Variants in LRMDA observed in about 807,000 individuals in gnomAD.
The protein encoded by LRMDA is leucine rich melanocyte differentiation associated, also known as leucine-rich melanocyte differentiation-associated protein.
Under a neutral mutation model 29.8 loss-of-function variants are expected in LRMDA, and 18 were observed. The observed-to-expected ratio is 0.60, with a 90% confidence interval of 0.42 to 0.90. LRMDA has a LOEUF of 0.90. LRMDA is among the 40% of genes least tolerant of loss of function. The pLI is 0.00. For synonymous variants in LRMDA, 125 were observed against 109.4 expected (o/e 1.14, Z -0.89); for missense variants, 273 against 273.9 (o/e 1.00, Z 0.02).
intron 5 of LRMDA, among the ~76,000 whole-genome samples, chr10:76,222,135 C>T (rs1025019174): frequency 6.6e-6 from 1 of 151,914 alleles, no homozygotes; most frequent in Non-Finnish European, 1.5e-5. Flanking sequence ...GGATTAAAGA[C>T]TTAAACATTA....
At chr10:76,056,728 G>C (rs1848621221) in intron 4 of LRMDA, among the ~76,000 whole-genome samples, 1 of 152,196 alleles carries the variant, frequency 6.6e-6, no homozygotes, top group African/African-American at 2.4e-5. Context: ...GTCGGGAGAG[G>C]CCAGGCAGTG....
chr10:75,901,933 C>T (rs1845680808), intron 2 of LRMDA, among the ~76,000 whole-genome samples: 1 of 152,176 alleles, frequency 6.6e-6, no homozygotes, highest in African/African-American at 2.4e-5. Context: ...TGTGTTTTCT[C>T]ATACTGTGGA....
chr10:76,016,612 A>T (rs1847883612), intron 2 of LRMDA, among the ~76,000 whole-genome samples: 1 of 152,184 alleles, frequency 6.6e-6, no homozygotes, highest in Non-Finnish European at 1.5e-5. Flanking sequence ...TTTATTGAAC[A>T]CTGACTTTAT....
intron 2 of LRMDA, among the ~76,000 whole-genome samples, chr10:75,647,156 C>G (rs539694124): frequency 7.9e-5 from 12 of 152,296 alleles, no homozygotes; most frequent in African/African-American, 2.9e-4. Flanking sequence ...CCTCTCCTAC[C>G]CTCCTTCACC....
At chr10:75,795,436 G>T (rs1223037699) in intron 2 of LRMDA, among the ~76,000 whole-genome samples, 2 of 151,940 alleles carry the variant, frequency 1.3e-5, no homozygotes, top group African/African-American at 4.8e-5. Flanking sequence ...AAAAGAAAAA[G>T]AATTGAGAGT....
intron 5 of LRMDA, among the ~76,000 whole-genome samples, chr10:76,134,278 T>C (rs1196408034): frequency 6.6e-6 from 1 of 152,188 alleles, no homozygotes; most frequent in Non-Finnish European, 1.5e-5. Context: ...CATCTGATGA[T>C]GGTGAGACTT....
Position 76,426,029 on chromosome 10 carries a change from C to G in LRMDA, c.601+101544C>G, listed in dbSNP as rs190662100. Among the ~76,000 whole-genome samples, 602 of 152,266 alleles carry G rather than the reference C, an allele frequency of 4.0e-3. 6 individuals carry two copies. The highest frequency in any genetic ancestry group is 0.014 in the African/African-American group (584 of 41,534). The stretch of plus-strand genomic sequence containing the variant: ...TTGGACATTTGGGTTGGTTCCAAGT[C>G]TTTGCTATTGTGAGTAGTGCCGCAA... On this transcript the variant is annotated intron_variant, in intron 6 of 6. Transcript: ENST00000611255.
chr10:75,597,217 T>C (rs1840802113), intron 2 of LRMDA, among the ~76,000 whole-genome samples: 2 of 152,242 alleles, frequency 1.3e-5, no homozygotes, highest in Admixed American at 1.3e-4. Flanking sequence ...TCATGTGGTC[T>C]GCTGTTGATT....
At chr10:75,520,975 G>A (rs908944360) in intron 2 of LRMDA, among the ~76,000 whole-genome samples, 1 of 152,176 alleles carries the variant, frequency 6.6e-6, no homozygotes, top group Non-Finnish European at 1.5e-5. Flanking sequence ...TTTGCTGGAG[G>A]TCTACTCCAG....
intron 6 of LRMDA, among the ~76,000 whole-genome samples, chr10:76,382,043 A>G (rs560582586): frequency 6.6e-6 from 1 of 152,240 alleles, no homozygotes; most frequent in Admixed American, 6.5e-5. Flanking sequence ...ACGTGAAAGC[A>G]CATTGTTGCA....
intron 6 of LRMDA, among the ~76,000 whole-genome samples, chr10:76,347,749 A>G (rs1055391394): frequency 5.3e-5 from 8 of 152,182 alleles, no homozygotes; most frequent in Admixed American, 5.2e-4. Context: ...TATATTATCC[A>G]CCAAGCATAA....
intron 2 of LRMDA, among the ~76,000 whole-genome samples, chr10:75,879,088 T>C (rs1426431781): frequency 6.6e-6 from 1 of 152,174 alleles, no homozygotes; most frequent in Non-Finnish European, 1.5e-5. Flanking sequence ...ATAGCCTTAC[T>C]CTTCAACCGA....
chr10:76,341,020 A>T (rs1841035272), intron 6 of LRMDA, among the ~76,000 whole-genome samples: 1 of 152,220 alleles, frequency 6.6e-6, no homozygotes, highest in Non-Finnish European at 1.5e-5. Context: ...AAAGATTTTC[A>T]GAGTGAATTA....
chr10:76,281,407 G>A (rs1357429827), intron 5 of LRMDA, among the ~76,000 whole-genome samples: 1 of 152,122 alleles, frequency 6.6e-6, no homozygotes, highest in Non-Finnish European at 1.5e-5. Context: ...TAATTTGGAG[G>A]ACCTTGAGTG....
chr10:76,020,731 G>A (rs1016636882), intron 2 of LRMDA, among the ~76,000 whole-genome samples: 1 of 152,232 alleles, frequency 6.6e-6, no homozygotes, highest in East Asian at 1.9e-4. Context: ...AGATGGTGCT[G>A]AAGACCCCAG....
chr10:75,899,190 A>C (rs1306089327), intron 2 of LRMDA, among the ~76,000 whole-genome samples: 1 of 152,230 alleles, frequency 6.6e-6, no homozygotes, highest in Non-Finnish European at 1.5e-5. Flanking sequence ...GTACTTCAAA[A>C]GCTCCAACCC....
At chr10:76,183,527 TG>T (rs1317998294) in intron 5 of LRMDA, among the ~76,000 whole-genome samples, 1 of 152,146 alleles carries the variant, frequency 6.6e-6, no homozygotes, top group Non-Finnish European at 1.5e-5. Context: ...TTCAGAAAAC[TG>T]AAATCAGCTG....
intron 2 of LRMDA, among the ~76,000 whole-genome samples, chr10:75,911,048 G>C (rs2132376797): frequency 6.6e-6 from 1 of 151,826 alleles, no homozygotes; most frequent in African/African-American, 2.4e-5. Context: ...ATTCTTTACT[G>C]TGTGCTGGCC....
intron 6 of LRMDA, among the ~76,000 whole-genome samples, chr10:76,365,051 A>G (rs1841371724): frequency 1.5e-5 from 2 of 135,084 alleles, no homozygotes; most frequent in Non-Finnish European, 3.3e-5. Flanking sequence ...ATGGCTGCAT[A>G]GTATTCCATC....
Sources: gnomAD v4.1 joint callset for allele counts (sites outside exome capture counted in the v4.1 genomes callset) on GRCh38, gnomAD v4.1.1 for gene constraint, MANE v1.5 for transcripts, NCBI Gene and HGNC (gene_info 2026-07-23, HGNC 2026-07-21) for gene names.